TBX3: variants seen among roughly 807,000 people sequenced by gnomAD.
TBX3 encodes the protein T-box transcription factor TBX3.
A neutral mutation model predicts 47.8 loss-of-function variants in TBX3; 11 were observed. The ratio of observed to expected loss-of-function variants is 0.23; its 90% confidence interval spans 0.14 to 0.38. The LOEUF is 0.38. Ranked by LOEUF, TBX3 falls within the 10% of genes least tolerant of loss-of-function variation. The pLI is 1.00. For synonymous variants in TBX3, 500 were observed against 449.3 expected, an observed-to-expected ratio of 1.11 and a Z score of -1.43; for missense variants, 927 against 1,022.8, an observed-to-expected ratio of 0.91 and a Z score of 1.28.
intron 6 of TBX3, among the ~76,000 whole-genome samples, chr12:114,673,493 C>G (rs575892977): frequency 9.3e-4 from 142 of 152,240 alleles, no homozygotes; most frequent in Non-Finnish European, 1.6e-3. Context: ...ATTAACCCTT[C>G]GAGGAATAGG....
chr12:114,671,797 C>A lies in TBX3; in HGVS notation c.*44G>T. On this transcript the variant is annotated 3_prime_UTR_variant, in exon 7 of 7. Coordinates refer to ENST00000349155, the MANE Select transcript of TBX3 (RefSeq NM_005996.4). Reference sequence around the variant, plus strand: ...ATTTTATATCCGACAAAGTGCACGGCAGCCTGAACTGGACTGGAATGAAAA... The same window carrying A: ...ATTTTATATCCGACAAAGTGCACGGAAGCCTGAACTGGACTGGAATGAAAA... 1 of 1,545,772 alleles carries A rather than the reference C, an allele frequency of 6.5e-7. No homozygotes were observed. The highest frequency in any genetic ancestry group is 8.7e-7 in the Non-Finnish European group (1 of 1,144,072).
At chr12:114,674,952 G>A in intron 5 of TBX3, 117 bp from the exon 6 acceptor site, 10 of 1,367,002 alleles carry the variant, frequency 7.3e-6, no homozygotes, top group South Asian at 3.8e-5. Context: ...GTGTAATCCC[G>A]GGGAAAGCCC....
Position 114,673,385 on chromosome 12 carries a change from C to A in TBX3, c.1710+780G>T, listed in dbSNP as rs151241096. 4.1e-3 allele frequency among the ~76,000 whole-genome samples: 623 copies of A among 152,312 alleles called. 7 individuals carry two copies. The highest frequency in any genetic ancestry group is 0.012 in the African/African-American group (504 of 41,574). On this transcript the variant is annotated intron_variant, in intron 6 of 6. Coordinates refer to ENST00000349155, the MANE Select transcript of TBX3 (RefSeq NM_005996.4). ...GGGTGTTTCCAGCCGCCTGAGACCTCCCCCCAGCACAGCTGTCTGAGCCAC... is the reference window on the plus strand; with the variant it reads ...GGGTGTTTCCAGCCGCCTGAGACCTACCCCCAGCACAGCTGTCTGAGCCAC...
At position 114,682,955 on chromosome 12, in the gene TBX3, C is replaced by A. The variant is rs377213076; in HGVS notation, c.246G>T (p.Gly82=). 1 of 1,614,156 alleles carries A rather than the reference C, an allele frequency of 6.2e-7. No individual in the cohort carries two copies. The highest frequency in any genetic ancestry group is 1.7e-5 in the Admixed American group (1 of 60,032). Residue 82 remains glycine (G), a synonymous_variant, in exon 1 of 7, where the codon GGG becomes GGT. Coordinates refer to ENST00000349155, the MANE Select transcript of TBX3 (RefSeq NM_005996.4). ...TCAAAGGCCTCAGATGCGCCTGGGG[C>A]CCCAGGGAGGAGAACGGGATGCCGG... ...AETGIPFSSL[G]PQAHLRPLKT... is the part of the protein sequence containing the mutation.
rs1172445314 is a variant in TBX3 at position 114,680,893 on chromosome 12, C to T, written c.643G>A (p.Asp215Asn). Residue 215 changes from aspartate (D) to asparagine (N), a missense_variant, in exon 2 of 7, where the codon GAC (aspartate) becomes AAC (asparagine). Physicochemically the swap from Asp to Asn is conservative, Grantham distance 23 (BLOSUM62 1). This residue lies in a region of TBX3 where 38 missense variants were observed against 77.7 expected (regional missense o/e 0.49). Transcript: ENST00000349155. ...ATGAAACTTACAAATCCATGTTTGT[C>T]TGAAATGTTGTTGGTGAGTTTCAGT... ...HKLKLTNNISDKHGFTILNSM... is the reference protein window; with the variant it reads ...HKLKLTNNISNKHGFTILNSM... 6.2e-7 allele frequency: 1 copy of T among 1,614,112 alleles called. No homozygotes were observed. Among genetic ancestry groups the T allele is most frequent in the South Asian group, 1.1e-5 (1 of 91,078 alleles).
At chr12:114,675,788 C>T (rs1868684604) in intron 5 of TBX3, among the ~76,000 whole-genome samples, 1 of 151,520 alleles carries the variant, frequency 6.6e-6, no homozygotes, top group African/African-American at 2.4e-5. Flanking sequence ...CGCAGATCCC[C>T]AGTGCTCCAC....
intron 2 of TBX3, chr12:114,680,460 C>T: frequency 3.2e-6 from 1 of 311,874 alleles, no homozygotes; most frequent in Non-Finnish European, 6.1e-6. Flanking sequence ...CACCATTTAA[C>T]CAACAGAGTC....
chr12:114,676,492 A>C (rs556818030), intron 4 of TBX3, 22 bp from the exon 5 acceptor site: 1 of 1,614,098 alleles, frequency 6.2e-7, no homozygotes, highest in South Asian at 1.1e-5. Context: ...GCCCACACCC[A>C]GGTTACAGAA....
rs888338239 is a variant in TBX3, at chr12:114,674,596, G to A, written c.1279C>T (p.Arg427Cys). The A allele has an allele frequency of 6.3e-6, 10 of 1,595,536 alleles. No homozygotes were observed. The African/African-American group carries it at 6.7e-5, about 11-fold the overall frequency. The change falls in exon 6 of 7, where the codon CGC becomes TGC. Residue 427 changes from arginine (R) to cysteine (C), a missense_variant. Coordinates refer to ENST00000349155, the MANE Select transcript of TBX3 (RefSeq NM_005996.4). ...HSPATISSST[R>C]GLGAEERRSP... ...CTGCGCTCCTCCGCGCCCAGGCCGC[G>A]AGTGCTGGACGAGATGGTGGCGGGG...
rs200038495 is a variant in TBX3 at position 114,674,616 on chromosome 12, G to A, written c.1259C>T (p.Ala420Val). 1.2e-6 allele frequency: 2 copies of A among 1,603,284 alleles called. No individual in the cohort carries two copies. The highest frequency in any genetic ancestry group is 4.5e-5 in the East Asian group (2 of 44,602). ...GCCGCGAGTGCTGGACGAGATGGTG[G>A]CGGGGCTATGGCGTGAGTCGGGCGA... is the stretch of plus-strand genomic sequence containing the variant. ...KASPDSRHSP[A>V]TISSSTRGLG... The change falls in exon 6 of 7, where the codon GCC becomes GTC. Residue 420 changes from alanine (A) to valine (V), a missense_variant. Physicochemically the swap from Ala to Val is moderately conservative, Grantham distance 64. This residue lies in a region of TBX3 where 623 missense variants were observed against 569.0 expected (regional missense o/e 1.09). Transcript: ENST00000349155.
Position 114,679,618 on chromosome 12 carries a change from G to A in TBX3, c.691C>T (p.Arg231Trp), listed in dbSNP as rs1868844973. The change falls in exon 3 of 7, where the codon CGG (arginine) becomes TGG (tryptophan). Residue 231 changes from arginine (R) to tryptophan (W), a missense_variant. Around this residue, in one of 5 missense-constraint regions of TBX3, gnomAD observed 38 missense variants for 77.7 expected, o/e 0.49. Transcript: ENST00000349155. ...ILNSMHKYQP[R>W]FHIVRANDIL... ...TCATTGGCTCTTACAATGTGGAACC[G>A]GGGCTGGTATTTGTGCATGGAGTTC... 2.5e-6 allele frequency: 4 copies of A among 1,614,162 alleles called. No homozygotes were observed. The highest frequency in any genetic ancestry group is 3.4e-6 in the Non-Finnish European group (4 of 1,180,032).
chr12:114,672,018 T>G lies in TBX3; in HGVS notation c.1995A>C (p.Ala665=). The change falls in exon 7 of 7, where the codon GCA becomes GCC. Residue 665 remains alanine (A), a synonymous_variant. Coordinates refer to ENST00000349155, the MANE Select transcript of TBX3 (RefSeq NM_005996.4). ...TGTTGAGTTCAGAGCCCGAGTCCAC[T>G]GCCACCGAGGCCGGGCTGGCGGCCA... ...AALAASPASV[A]VDSGSELNSR... 1 of 1,594,438 alleles carries G rather than the reference T, an allele frequency of 6.3e-7. No homozygotes were observed. The highest frequency in any genetic ancestry group is 8.5e-7 in the Non-Finnish European group (1 of 1,170,896).
chr12:114,684,003 T>G lies in TBX3; in HGVS notation c.-803A>C, dbSNP rs1462643307. 2 of 228,970 alleles carry G rather than the reference T, an allele frequency of 8.7e-6. No homozygotes were observed. The highest frequency in any genetic ancestry group is 1.7e-5 in the Non-Finnish European group (2 of 115,598). 14.2% of individuals were successfully genotyped at this position (228,970 alleles called of 1,614,324 possible). On this transcript the variant is annotated 5_prime_UTR_variant, in exon 1 of 7. Transcript: ENST00000349155. The stretch of plus-strand genomic sequence containing the variant: ...TGAGCGAATTCGCTTCCTAAATCTG[T>G]GTCCAGGCGCGCAGGGCAGGGAGGA...
rs1868376646 is a variant in TBX3 at position 114,670,703 on chromosome 12, A to G, written c.*1138T>C. On this transcript the variant is annotated 3_prime_UTR_variant, in exon 7 of 7. Transcript: ENST00000349155. ...AAAAGAAAACAAAAATGTTGCAGAC[A>G]ACTCTTTTGAAAGGGTATTGGTGTT... is the stretch of plus-strand genomic sequence containing the variant. The G allele has an allele frequency of 4.8e-6, 1 of 209,280 alleles. No homozygotes were observed. The highest frequency in any genetic ancestry group is 2.3e-5 in the African/African-American group (1 of 44,074). 13.0% of individuals were successfully genotyped at this position (209,280 alleles called of 1,614,324 possible).
At chr12:114,682,739 G>A (rs796613058) in intron 1 of TBX3, 73 bp downstream of exon 1, 3 of 1,610,170 alleles carry the variant, frequency 1.9e-6, no homozygotes, top group Non-Finnish European at 1.7e-6. Context: ...CCAACCGACT[G>A]TTCTGGGAGC....
chr12:114,673,175 C>G (rs1013911524), intron 6 of TBX3, among the ~76,000 whole-genome samples: 1 of 152,210 alleles, frequency 6.6e-6, no homozygotes, highest in East Asian at 1.9e-4. Context: ...CCCGGAGAAG[C>G]CAGCAGAGGA....
chr12:114,674,408 G>A lies in TBX3; in HGVS notation c.1467C>T (p.Gly489=), dbSNP rs762853895. The A allele has an allele frequency of 1.5e-5, 24 of 1,550,494 alleles. No homozygotes were observed. In the South Asian group the frequency reaches 2.7e-4, roughly 18 times the overall value. The change falls in exon 6 of 7, where the codon GGC becomes GGT. Residue 489 remains glycine, a synonymous_variant. Transcript: ENST00000349155. ...GCGGGTGCCCGTTGAAGAACTGTTG[G>A]CCCGCCAGGCCCGGGGCGAAGCCGA... is the stretch of plus-strand genomic sequence containing the variant. The part of the protein sequence containing the change: ...PGLGFAPGLA[G]QQFFNGHPLF...
At chr12:114,682,772 A>C (rs746932380) in intron 1 of TBX3, 40 bp downstream of exon 1, 2 of 1,612,328 alleles carry the variant, frequency 1.2e-6, no homozygotes, top group Admixed American at 3.3e-5. Flanking sequence ...GGAGGAAAAA[A>C]CTCTCCAACA....
intron 5 of TBX3, among the ~76,000 whole-genome samples, chr12:114,675,904 A>C (rs1302786486): frequency 6.6e-6 from 1 of 151,992 alleles, no homozygotes; most frequent in Non-Finnish European, 1.5e-5. Context: ...AGTCCAACAC[A>C]TTGTAACCTA....
Sources: gnomAD v4.1 joint callset for allele counts (sites outside exome capture counted in the v4.1 genomes callset) on GRCh38, gnomAD v4.1.1 for gene constraint, gnomAD v4.1.1 regional missense constraint, MANE v1.5 for transcripts, NCBI Gene and HGNC (gene_info 2026-07-23, HGNC 2026-07-21) for gene names.